Variants in TNS3 observed in about 807,000 individuals in gnomAD.
The protein encoded by TNS3 is tensin-3.
A neutral mutation model predicts 140.9 loss-of-function variants in TNS3; 45 were observed. That is an observed-to-expected ratio of 0.32 (90% CI 0.25 to 0.41). TNS3 has a LOEUF of 0.41. Ranked by LOEUF, TNS3 falls within the 10% of genes least tolerant of loss-of-function variation. The pLI, the probability that TNS3 is intolerant of heterozygous loss-of-function variation, is 1.00. For missense variants in TNS3, 1,716 were observed against 1,906.7 expected, an observed-to-expected ratio of 0.90 and a Z score of 1.86; for synonymous variants, 815 against 788.4, an observed-to-expected ratio of 1.03 and a Z score of -0.56.
chr7:47,461,807 G>A (rs967578425), intron 4 of TNS3, among the ~76,000 whole-genome samples: 3 of 152,244 alleles, frequency 2.0e-5, no homozygotes, highest in African/African-American at 4.8e-5. Flanking sequence ...TGAAGTTTTT[G>A]AGAGCCTTGC....
At chr7:47,529,879 A>G (rs1799329958) in intron 1 of TNS3, among the ~76,000 whole-genome samples, 1 of 152,248 alleles carries the variant, frequency 6.6e-6, no homozygotes, top group Admixed American at 6.5e-5. Flanking sequence ...ATCAGTACTT[A>G]ATATCCATAT....
chr7:47,353,136 C>T (rs1046037564), intron 17 of TNS3, among the ~76,000 whole-genome samples: 2 of 152,236 alleles, frequency 1.3e-5, no homozygotes, highest in African/African-American at 4.8e-5. Context: ...ACTGCCAGCT[C>T]AGAGAGCTCT....
intron 9 of TNS3, 52 bp from the exon 10 acceptor site, chr7:47,424,236 G>A (rs192353739): frequency 1.9e-6 from 3 of 1,587,330 alleles, no homozygotes; most frequent in South Asian, 1.1e-5. Context: ...CCCACACCAC[G>A]TGGGTACTTG....
At chr7:47,361,822 A>G (rs1228102666) in intron 17 of TNS3, among the ~76,000 whole-genome samples, 1 of 152,176 alleles carries the variant, frequency 6.6e-6, no homozygotes, top group African/African-American at 2.4e-5. Context: ...TGCAAGCAGA[A>G]CAGGGCCTGC....
chr7:47,495,701 G>A (rs903001303), intron 3 of TNS3, among the ~76,000 whole-genome samples: 5 of 152,214 alleles, frequency 3.3e-5, no homozygotes, highest in Admixed American at 6.5e-5. Flanking sequence ...AGAAAGTCCC[G>A]GAGATAAGCT....
chr7:47,523,839 G>A (rs1307627096), intron 2 of TNS3, among the ~76,000 whole-genome samples: 2 of 152,192 alleles, frequency 1.3e-5, no homozygotes, highest in African/African-American at 4.8e-5. Context: ...CACAAAGAAA[G>A]GACCCAGGGA....
intron 20 of TNS3, among the ~76,000 whole-genome samples, chr7:47,312,891 A>T (rs1787186165): frequency 6.6e-6 from 1 of 152,058 alleles, no homozygotes; most frequent in African/African-American, 2.4e-5. Context: ...TAATAAAATT[A>T]AAAAATAAAA....
At chr7:47,428,776 C>T (rs1024725804) in intron 8 of TNS3, among the ~76,000 whole-genome samples, 1 of 152,254 alleles carries the variant, frequency 6.6e-6, no homozygotes, top group Admixed American at 6.5e-5. Flanking sequence ...ATGATCAGGG[C>T]TGCAAACACA....
intron 12 of TNS3, 149 bp from the exon 13 acceptor site, chr7:47,411,951 T>C: frequency 1.3e-6 from 1 of 769,144 alleles, no homozygotes; most frequent in Non-Finnish European, 2.1e-6. Context: ...AGAATCTAAA[T>C]GAATCTAAAA....
intron 8 of TNS3, among the ~76,000 whole-genome samples, chr7:47,433,042 G>C (rs1794999392): frequency 6.6e-6 from 1 of 152,120 alleles, no homozygotes; most frequent in African/African-American, 2.4e-5. Flanking sequence ...TCAATAACCA[G>C]GGTGTGGAGG....
At chr7:47,280,088 C>T in intron 30 of TNS3, 76 bp downstream of exon 30, 1 of 1,575,068 alleles carries the variant, frequency 6.3e-7, no homozygotes. Context: ...ACCCCCTGTG[C>T]AAATCTGGAA....
At chr7:47,400,610 G>A (rs1793098555) in intron 14 of TNS3, 152 bp from the exon 15 acceptor site, 3 of 1,296,188 alleles carry the variant, frequency 2.3e-6, no homozygotes, top group Non-Finnish European at 3.2e-6. Flanking sequence ...CAGTTTCATT[G>A]GTTATCCATA....
intron 27 of TNS3, among the ~76,000 whole-genome samples, chr7:47,285,767 A>AAAG (rs1320366896): frequency 6.6e-6 from 1 of 152,228 alleles, no homozygotes; most frequent in African/African-American, 2.4e-5. Context: ...ACCTTCAGGG[A>AAAG]AAGACATTTG....
intron 1 of TNS3, among the ~76,000 whole-genome samples, chr7:47,566,671 G>A (rs899895618): frequency 6.6e-6 from 1 of 152,204 alleles, no homozygotes. Flanking sequence ...TTAGGAGGCA[G>A]TATCAAAGGT....
At chr7:47,445,249 G>A (rs1795670317) in intron 4 of TNS3, among the ~76,000 whole-genome samples, 3 of 152,268 alleles carry the variant, frequency 2.0e-5, no homozygotes, top group African/African-American at 7.2e-5. Flanking sequence ...CACCTCCAAG[G>A]CATGTGGTGC....
At chr7:47,491,534 T>C (rs6947426) in intron 3 of TNS3, among the ~76,000 whole-genome samples, 11,017 of 152,116 alleles carry the variant, frequency 0.072, 1,268 homozygotes, top group African/African-American at 0.24. Flanking sequence ...GGAGTGAGGG[T>C]GAAAGGGGAC....
At chr7:47,336,190 A>T (rs907926955) in intron 20 of TNS3, among the ~76,000 whole-genome samples, 37 of 96,560 alleles carry the variant, frequency 3.8e-4, no homozygotes, top group Middle Eastern at 4.6e-3. Context: ...AAGCAGAGTT[A>T]AAAAAAAAAA....
chr7:47,450,751 T>C (rs1278457040), intron 4 of TNS3, among the ~76,000 whole-genome samples: 2 of 152,184 alleles, frequency 1.3e-5, no homozygotes. Context: ...CAGGGGCCAA[T>C]ATGGGTGCAG....
At chr7:47,577,190 T>C (rs1250198147) in intron 1 of TNS3, among the ~76,000 whole-genome samples, 1 of 152,200 alleles carries the variant, frequency 6.6e-6, no homozygotes, top group East Asian at 1.9e-4. Flanking sequence ...TATTCATCCT[T>C]CCTGGGTGCC....
Sources: gnomAD v4.1 joint callset for allele counts (sites outside exome capture counted in the v4.1 genomes callset) on GRCh38, gnomAD v4.1.1 for gene constraint, MANE v1.5 for transcripts, NCBI Gene and HGNC (gene_info 2026-07-23, HGNC 2026-07-21) for gene names.